Variants in COL23A1 observed in about 807,000 individuals in gnomAD.
The protein encoded by COL23A1 is collagen alpha-1(XXIII) chain.
Under a neutral mutation model 99.3 loss-of-function variants are expected in COL23A1, and 97 were observed. The ratio of observed to expected loss-of-function variants is 0.98; its 90% confidence interval spans 0.83 to 1.16. The LOEUF (loss-of-function observed/expected upper bound fraction) is 1.16. Ranked by LOEUF, COL23A1 falls within the 50% of genes most tolerant of loss-of-function variation. The probability of loss-of-function intolerance (pLI) is 0.00; values close to 1 mark genes in which losing one functional copy is unlikely to be tolerated. For synonymous variants in COL23A1, 320 were observed against 308.2 expected (o/e 1.04, Z -0.40); for missense variants, 762 against 757.4 (o/e 1.01, Z -0.07).
At chr5:178,495,461 T>G (rs932010856) in intron 2 of COL23A1, among the ~76,000 whole-genome samples, 2 of 152,080 alleles carry the variant, frequency 1.3e-5, no homozygotes, top group African/African-American at 4.8e-5. Context: ...ATGAATGAAT[T>G]AATGAATGAA....
rs1254682434 is a variant in COL23A1, at chr5:178,366,385, G to T, written c.362-59466C>A. Among the ~76,000 whole-genome samples, 1 of 152,216 alleles carries T rather than the reference G, an allele frequency of 6.6e-6. No homozygotes were observed. The highest frequency in any genetic ancestry group is 2.4e-5 in the African/African-American group (1 of 41,458). On this transcript the variant is annotated intron_variant, in intron 2 of 28. Coordinates refer to ENST00000390654, the MANE Select transcript of COL23A1 (RefSeq NM_173465.4). The surrounding 1 kb of genome is among the most constrained non-coding windows in gnomAD (Gnocchi z 4.4). The stretch of plus-strand genomic sequence containing the variant: ...GTGCCCTGCTGGTGTGGCTCCACCT[G>T]GTCGCTGGGGTCTGTCTTCCCAGCT...
At chr5:178,547,602 C>A in intron 2 of COL23A1, among the ~76,000 whole-genome samples, 1 of 9,098 alleles carries the variant, frequency 1.1e-4, no homozygotes, top group Non-Finnish European at 3.1e-4. Flanking sequence ...CAACCACCCA[C>A]ACACACACCC....
At position 178,247,772 on chromosome 5, in the gene COL23A1, T is replaced by C. The variant is rs763739197; in HGVS notation, c.1269+3A>G. 6.2e-7 allele frequency: 1 copy of C among 1,613,064 alleles called. No homozygotes were observed. The highest frequency in any genetic ancestry group is 8.5e-7 in the Non-Finnish European group (1 of 1,179,184). On this transcript the variant is annotated splice_donor_region_variant and intron_variant, in intron 21 of 28. Transcript: ENST00000390654. ...AAACCAAACCAAAGCAAACCGTCCT[T>C]ACCATCGGGCCTGGGGGGCCAGGGG...
At chr5:178,357,912 GTGTA>G (rs745823527) in intron 2 of COL23A1, among the ~76,000 whole-genome samples, 5 of 64,076 alleles carry the variant, frequency 7.8e-5, no homozygotes, top group Admixed American at 1.8e-4. Context: ...TCTAATGTGT[GTGTA>G]TGTGTATGTG....
rs374846129 is a variant in COL23A1 at position 178,306,711 on chromosome 5, C to T, written c.406+164G>A. Among the ~76,000 whole-genome samples the T allele has an allele frequency of 2.0e-5, 3 of 151,972 alleles. No individual in the cohort carries two copies. The highest frequency in any genetic ancestry group is 2.0e-4 in the Admixed American group (3 of 15,266). ...CCCGGAAAGGCAGTACTGGGTGCTG[C>T]GGCCTCAGGAAACGGCAGCTGGACT... is the stretch of plus-strand genomic sequence containing the variant. On this transcript the variant is annotated intron_variant, in intron 3 of 28. Transcript: ENST00000390654. The surrounding 1 kb of genome is among the most constrained non-coding windows in gnomAD (Gnocchi z 4.1).
In COL23A1 at chr5:178,262,255, G is replaced by A. The variant is rs201505348; in HGVS notation, c.640-3C>T. On this transcript the variant is annotated splice_region_variant and splice_polypyrimidine_tract_variant and intron_variant, in intron 9 of 28. Transcript: ENST00000390654. Reference sequence around the variant, plus strand: ...TGTCCGGGCTCTCCTTTGGGGCCCTGCGGAAGTGTGAGGGGACAGCAGTGA... The same window carrying A: ...TGTCCGGGCTCTCCTTTGGGGCCCTACGGAAGTGTGAGGGGACAGCAGTGA... 3 of 1,580,400 alleles carry A rather than the reference G, an allele frequency of 1.9e-6. No individual in the cohort carries two copies. Among genetic ancestry groups the A allele is most frequent in the East Asian group, 2.3e-5 (1 of 43,894 alleles).
rs1190283658 is a variant in COL23A1 at position 178,306,619 on chromosome 5, A to G, written c.406+256T>C. ...GCTCTGGAGTGGGGGACTAGGGGCC[A>G]ACAACGAGGTTCGGGGGATGACTGG... On this transcript the variant is annotated intron_variant, in intron 3 of 28. Coordinates refer to ENST00000390654, the MANE Select transcript of COL23A1 (RefSeq NM_173465.4). The surrounding 1 kb of genome is among the most constrained non-coding windows in gnomAD (Gnocchi z 4.1). 6.8e-6 allele frequency among the ~76,000 whole-genome samples: 1 copy of G among 147,782 alleles called. No individual in the cohort carries two copies. The highest frequency in any genetic ancestry group is 1.5e-5 in the Non-Finnish European group (1 of 66,696).
chr5:178,562,564 G>GA (rs746935339), intron 1 of COL23A1: 4,304 of 115,582 alleles, frequency 0.037, 210 homozygotes, highest in African/African-American at 0.12. Context: ...AATAAAAAAA[G>GA]AAAAAAAAAA....
intron 1 of COL23A1, among the ~76,000 whole-genome samples, chr5:178,587,481 T>C (rs577724171): frequency 1.3e-5 from 2 of 152,206 alleles, no homozygotes; most frequent in Admixed American, 1.3e-4. Context: ...ATTAAAGCCA[T>C]GTATGGTTGG....
chr5:178,258,262 T>TATATATACATAC lies in COL23A1; in HGVS notation c.730-696_730-695insGTATGTATATAT. Among the ~76,000 whole-genome samples the TATATATACATAC allele has an allele frequency of 8.6e-5, 9 of 104,128 alleles. No homozygotes were observed. In the East Asian group the frequency reaches 2.2e-3, roughly 26 times the overall value. The allele number at this position is 104,128 out of a possible 152,430, so 68.3% of individuals were successfully genotyped here. A position where few individuals can be genotyped will look rare whatever the true frequency, so the allele number is the denominator to read the frequency against. ...ATATATATATATATATATATATATA[T>TATATATACATAC]ACACATGCAAATCAATTCTAGGCAC... is the stretch of plus-strand genomic sequence containing the variant. On this transcript the variant is annotated intron_variant, in intron 12 of 28. Coordinates refer to ENST00000390654, the MANE Select transcript of COL23A1 (RefSeq NM_173465.4).
intron 27 of COL23A1, among the ~76,000 whole-genome samples, chr5:178,239,848 G>T (rs987118479): frequency 1.5e-5 from 2 of 131,766 alleles, no homozygotes; most frequent in African/African-American, 7.4e-5. Context: ...GCCGAGAGCC[G>T]TGTGGCTTCC....
Position 178,585,542 on chromosome 5 carries a change from T to C in COL23A1, c.294+4362A>G, listed in dbSNP as rs74507690. ...TCCCTGGATGACGCTGGAGTAACAC[T>C]CCACAGCCCTGGTTGATGCTGGGGG... On this transcript the variant is annotated intron_variant, in intron 1 of 28. Transcript: ENST00000390654. 6.6e-4 allele frequency among the ~76,000 whole-genome samples: 29 copies of C among 43,668 alleles called. 2 individuals carry two copies. The highest frequency in any genetic ancestry group is 6.9e-3 in the Middle Eastern group (1 of 144). 28.6% of individuals were successfully genotyped at this position (43,668 alleles called of 152,430 possible).
intron 2 of COL23A1, among the ~76,000 whole-genome samples, chr5:178,433,842 GA>G (rs1249372055): frequency 2.0e-5 from 3 of 152,296 alleles, no homozygotes; most frequent in Non-Finnish European, 4.4e-5. Flanking sequence ...TTTGGAGATG[GA>G]AACTTTAAGT....
chr5:178,528,639 C>A (rs1390311994), intron 2 of COL23A1, among the ~76,000 whole-genome samples: 1 of 152,226 alleles, frequency 6.6e-6, no homozygotes, highest in Non-Finnish European at 1.5e-5. Context: ...GGAGAAACCC[C>A]ATCTCTACTA....
At chr5:178,421,402 G>T (rs1765626394) in intron 2 of COL23A1, among the ~76,000 whole-genome samples, 1 of 152,124 alleles carries the variant, frequency 6.6e-6, no homozygotes, top group Non-Finnish European at 1.5e-5. Flanking sequence ...CATAAGGTGG[G>T]AGTAATTATA....
At position 178,255,576 on chromosome 5, in the gene COL23A1, G is replaced by A. The variant is rs1765258263; in HGVS notation, c.883-550C>T. The stretch of plus-strand genomic sequence containing the variant: ...GGCTGCTGGCCAGCCCTTCCCTTGT[G>A]AACCTCACTTCCCCACCCAGGCTGC... On this transcript the variant is annotated intron_variant, in intron 15 of 28. Transcript: ENST00000390654. This position sits in a 1 kb window ranked among gnomAD's most constrained non-coding sequence, Gnocchi z 4.2. Among the ~76,000 whole-genome samples, 1 of 151,910 alleles carries A rather than the reference G, an allele frequency of 6.6e-6. No individual in the cohort carries two copies. The highest frequency in any genetic ancestry group is 1.5e-5 in the Non-Finnish European group (1 of 67,954).
intron 17 of COL23A1, 147 bp from the exon 18 acceptor site, chr5:178,250,252 C>T: frequency 1.3e-6 from 1 of 776,246 alleles, no homozygotes; most frequent in Non-Finnish European, 2.2e-6. Context: ...ACCGCCTCCT[C>T]TGTTTCCTCA....
intron 17 of COL23A1, among the ~76,000 whole-genome samples, chr5:178,251,377 A>G (rs1765023218): frequency 6.6e-6 from 1 of 152,194 alleles, no homozygotes; most frequent in African/African-American, 2.4e-5. Context: ...TACATTAAAT[A>G]TGAAAAAAAC....
chr5:178,358,615 ATGTATGTG>A (rs1382070831), intron 2 of COL23A1, among the ~76,000 whole-genome samples: 4 of 107,648 alleles, frequency 3.7e-5, no homozygotes, highest in African/African-American at 1.3e-4. Flanking sequence ...GTATGCGTGT[ATGTATGTG>A]TGTATGTGTC....
Sources: gnomAD v4.1 joint callset for allele counts (sites outside exome capture counted in the v4.1 genomes callset) on GRCh38, gnomAD v4.1.1 for gene constraint, Gnocchi (gnomAD v3.1) non-coding constraint, MANE v1.5 for transcripts, NCBI Gene and HGNC (gene_info 2026-07-23, HGNC 2026-07-21) for gene names.